The following TNFSF13B variants were observed in gnomAD, a reference collection of about 807,000 sequenced individuals.
TNFSF13B encodes the protein tumor necrosis factor ligand superfamily member 13B.
A neutral mutation model predicts 29.1 loss-of-function variants in TNFSF13B; 8 were observed. The ratio of observed to expected loss-of-function variants is 0.27; its 90% CI spans 0.16 to 0.50. The LOEUF is 0.50. Ranked by LOEUF, TNFSF13B falls within the 20% of genes least tolerant of loss-of-function variation. The probability of loss-of-function intolerance (pLI) is 0.98; values close to 1 mark genes in which losing one functional copy is unlikely to be tolerated. For missense variants in TNFSF13B, 248 were observed against 334.9 expected (o/e 0.74, Z 2.03); for synonymous variants, 125 against 130.8 (o/e 0.96, Z 0.30).
rs1881689663 is a variant in TNFSF13B at position 108,303,600 on chromosome 13, A to G, written c.741A>G (p.Ser247=). ...CACTACCCAATAATTCCTGCTATTC[A>G]GCTGGTAAATATTAGTTCTCACACC... The part of the protein sequence containing the change: ...PETLPNNSCY[S]AGIAKLEEGD... The change falls in exon 5 of 6, where the codon TCA becomes TCG. Residue 247 remains serine, a synonymous_variant. Coordinates refer to ENST00000375887, the MANE Select transcript of TNFSF13B (RefSeq NM_006573.5). The G allele has an allele frequency of 3.1e-6, 5 of 1,611,716 alleles. No individual in the cohort carries two copies. Among genetic ancestry groups the G allele is most frequent in the African/African-American group, 1.3e-5 (1 of 74,908 alleles).
At chr13:108,279,660 T>G (rs1880876107) in intron 2 of TNFSF13B, among the ~76,000 whole-genome samples, 1 of 152,122 alleles carries the variant, frequency 6.6e-6, no homozygotes, top group African/African-American at 2.4e-5. Flanking sequence ...AAGAACAAAT[T>G]TGCACTTAGA....
intron 5 of TNFSF13B, 22 bp downstream of exon 5, chr13:108,303,626 C>G: frequency 1.3e-6 from 2 of 1,588,992 alleles, no homozygotes; most frequent in Non-Finnish European, 1.7e-6. Context: ...TTCTCACACC[C>G]TGCTAATTGT....
chr13:108,302,734 A>C (rs1881661364), intron 3 of TNFSF13B: 1 of 756,056 alleles, frequency 1.3e-6, no homozygotes, highest in African/African-American at 1.9e-5. Context: ...GACCGTTCTT[A>C]GTAAAGGTTG....
chr13:108,280,702 A>G (rs1594520070), intron 2 of TNFSF13B, among the ~76,000 whole-genome samples: 1 of 151,608 alleles, frequency 6.6e-6, no homozygotes, highest in Non-Finnish European at 1.5e-5. Context: ...AAGCAACATT[A>G]AGTCATGATA....
intron 2 of TNFSF13B, among the ~76,000 whole-genome samples, chr13:108,274,902 C>T (rs1880723542): frequency 6.6e-6 from 1 of 152,070 alleles, no homozygotes; most frequent in Admixed American, 6.6e-5. Flanking sequence ...CCAACATGTC[C>T]CAATGATACT....
chr13:108,303,397 T>C (rs1416855601), intron 4 of TNFSF13B, 32 bp downstream of exon 4: 1 of 1,610,044 alleles, frequency 6.2e-7, no homozygotes, highest in East Asian at 2.2e-5. Flanking sequence ...GGTTTTACTG[T>C]TCAAAGCCTC....
chr13:108,296,206 T>A (rs1328133245), intron 3 of TNFSF13B, among the ~76,000 whole-genome samples: 1 of 145,814 alleles, frequency 6.9e-6, no homozygotes, highest in Non-Finnish European at 1.5e-5. Flanking sequence ...AATCTTCAGC[T>A]GTTACTATAG....
intron 2 of TNFSF13B, among the ~76,000 whole-genome samples, chr13:108,272,337 CTTTT>C (rs539465558): frequency 6.6e-6 from 1 of 151,950 alleles, no homozygotes; most frequent in Non-Finnish European, 1.5e-5. Context: ...AGTTTTGCTT[CTTTT>C]TTTACTTGAA....
intron 3 of TNFSF13B, among the ~76,000 whole-genome samples, chr13:108,290,686 A>G (rs2893321): frequency 0.21 from 32,062 of 151,812 alleles, 4,048 homozygotes; most frequent in East Asian, 0.42. Flanking sequence ...TCTCAAGCAG[A>G]TTAATTCTTT....
At chr13:108,281,985 A>G (rs1880970866) in intron 2 of TNFSF13B, among the ~76,000 whole-genome samples, 1 of 152,224 alleles carries the variant, frequency 6.6e-6, no homozygotes, top group African/African-American at 2.4e-5. Context: ...GAAAAATTAA[A>G]CAGCTACATT....
At chr13:108,283,582 T>C (rs1285595393) in intron 2 of TNFSF13B, among the ~76,000 whole-genome samples, 1 of 152,232 alleles carries the variant, frequency 6.6e-6, no homozygotes, top group Non-Finnish European at 1.5e-5. Context: ...GTCAAGTCAT[T>C]ACTTATTAGG....
chr13:108,274,079 A>G (rs1034238878), intron 2 of TNFSF13B, among the ~76,000 whole-genome samples: 4 of 152,002 alleles, frequency 2.6e-5, no homozygotes, highest in African/African-American at 9.7e-5. Flanking sequence ...AGCTTATTTT[A>G]TTGTAAGAAT....
intron 3 of TNFSF13B, chr13:108,302,861 T>C: frequency 1.0e-6 from 1 of 988,966 alleles, no homozygotes; most frequent in Non-Finnish European, 1.2e-6. Flanking sequence ...AGATACTCTT[T>C]CCTCTCTGGG....
intron 3 of TNFSF13B, among the ~76,000 whole-genome samples, chr13:108,300,971 AT>A (rs1301205123): frequency 1.3e-5 from 2 of 152,192 alleles, no homozygotes; most frequent in Non-Finnish European, 1.5e-5. Flanking sequence ...GACTAGGGAA[AT>A]GTTATTTATT....
Position 108,270,237 on chromosome 13 carries a change from G to A in TNFSF13B, c.339+3G>A, listed in dbSNP as rs1374685681. ...CAGCTGTCACCGCGGGACTGAAAGT[G>A]AGTTTGCAGCAGCTGCAAGACGCAG... On this transcript the variant is annotated splice_donor_region_variant and intron_variant, in intron 1 of 5. Coordinates refer to ENST00000375887, the MANE Select transcript of TNFSF13B (RefSeq NM_006573.5). 1.2e-6 allele frequency: 2 copies of A among 1,607,512 alleles called. No homozygotes were observed. The highest frequency in any genetic ancestry group is 2.2e-5 in the East Asian group (1 of 44,838).
At chr13:108,295,279 A>G (rs1881432908) in intron 3 of TNFSF13B, among the ~76,000 whole-genome samples, 1 of 145,264 alleles carries the variant, frequency 6.9e-6, no homozygotes, top group South Asian at 2.1e-4. Context: ...GGTTCAGGCG[A>G]TTCTCCTGCC....
chr13:108,280,927 C>G (rs762334567), intron 2 of TNFSF13B, among the ~76,000 whole-genome samples: 2 of 152,154 alleles, frequency 1.3e-5, no homozygotes, highest in Non-Finnish European at 2.9e-5. Flanking sequence ...ACCTCGGCCT[C>G]TAATGCCGAG....
At chr13:108,305,739 T>C (rs1271615501) in intron 5 of TNFSF13B, among the ~76,000 whole-genome samples, 1 of 152,122 alleles carries the variant, frequency 6.6e-6, no homozygotes, top group Non-Finnish European at 1.5e-5. Flanking sequence ...GCATACCCAG[T>C]GGGGATGGAA....
intron 3 of TNFSF13B, among the ~76,000 whole-genome samples, chr13:108,300,757 C>G (rs2139067926): frequency 6.6e-6 from 1 of 152,184 alleles, no homozygotes; most frequent in African/African-American, 2.4e-5. Context: ...TTAGACCTGC[C>G]CATATCAAGG....
Sources: gnomAD v4.1 joint callset for allele counts (sites outside exome capture counted in the v4.1 genomes callset) on GRCh38, gnomAD v4.1.1 for gene constraint, MANE v1.5 for transcripts, NCBI Gene and HGNC (gene_info 2026-07-23, HGNC 2026-07-21) for gene names.